RBFOX1: variants seen among roughly 807,000 people sequenced by gnomAD.
RBFOX1 encodes RNA binding fox-1 homolog 1, also known as RNA binding protein fox-1 homolog 1.
In RBFOX1, 8 loss-of-function variants were observed where a neutral mutation model predicts 57.7. The ratio of observed to expected loss-of-function variants is 0.14; its 90% confidence interval spans 0.08 to 0.25. The LOEUF is 0.25. RBFOX1 is among the 10% of genes least tolerant of loss of function. RBFOX1 has a pLI of 1.00. For missense variants in RBFOX1, 611 were observed against 548.5 expected, an observed-to-expected ratio of 1.11 and a Z score of -1.14; for synonymous variants, 326 against 222.4, an observed-to-expected ratio of 1.47 and a Z score of -4.15.
At chr16:7,563,261 A>C (rs533674177) in intron 5 of RBFOX1, among the ~76,000 whole-genome samples, 1 of 152,264 alleles carries the variant, frequency 6.6e-6, no homozygotes, top group East Asian at 1.9e-4. Context: ...GGTCCATCCT[A>C]AGCACTTACA....
intron 3 of RBFOX1, among the ~76,000 whole-genome samples, chr16:5,674,826 C>A (rs1440712638): frequency 6.6e-6 from 1 of 152,048 alleles, no homozygotes; most frequent in Non-Finnish European, 1.5e-5. Context: ...GCTGGTCTGG[C>A]GCACGTAGTA....
intron 4 of RBFOX1, among the ~76,000 whole-genome samples, chr16:7,221,988 G>A (rs56361747): frequency 0.39 from 59,438 of 152,010 alleles, 12,130 homozygotes; most frequent in East Asian, 0.66. Flanking sequence ...ACAGGAGAGA[G>A]GCAGCATTTT....
At chr16:7,597,987 G>C (rs944354691) in intron 9 of RBFOX1, among the ~76,000 whole-genome samples, 1 of 152,082 alleles carries the variant, frequency 6.6e-6, no homozygotes, top group East Asian at 1.9e-4. Context: ...ATGTTGCTTT[G>C]TATTACAGAC....
At chr16:5,540,098 A>G (rs908117771) in intron 2 of RBFOX1, among the ~76,000 whole-genome samples, 8 of 152,228 alleles carry the variant, frequency 5.3e-5, no homozygotes, top group African/African-American at 1.9e-4. Context: ...GAATGAAGAT[A>G]TTAAATAGCA....
intron 3 of RBFOX1, among the ~76,000 whole-genome samples, chr16:6,679,704 G>A (rs140032957): frequency 6.6e-6 from 1 of 152,068 alleles, no homozygotes; most frequent in Non-Finnish European, 1.5e-5. Flanking sequence ...CACCATACAA[G>A]AGTACTTGAG....
At chr16:5,450,919 A>T (rs560727781) in intron 1 of RBFOX1, among the ~76,000 whole-genome samples, 3 of 152,322 alleles carry the variant, frequency 2.0e-5, no homozygotes, top group African/African-American at 7.2e-5. Context: ...GGGCAAGCTC[A>T]AGGGTAAGCT....
intron 4 of RBFOX1, among the ~76,000 whole-genome samples, chr16:7,213,618 G>A (rs536973937): frequency 1.2e-4 from 18 of 151,676 alleles, no homozygotes; most frequent in African/African-American, 3.1e-4. Flanking sequence ...GGAGCTTACC[G>A]TGTGCCTGGA....
At chr16:7,525,708 G>A (rs908017564) in intron 5 of RBFOX1, among the ~76,000 whole-genome samples, 2 of 152,170 alleles carry the variant, frequency 1.3e-5, no homozygotes, top group African/African-American at 2.4e-5. Context: ...ATTGAGGTGT[G>A]CTGCCATTGC....
intron 1 of RBFOX1, among the ~76,000 whole-genome samples, chr16:5,452,363 C>T (rs1241416617): frequency 6.6e-6 from 1 of 152,032 alleles, no homozygotes; most frequent in Non-Finnish European, 1.5e-5. Flanking sequence ...CCCGCCTCGA[C>T]CTCCCAAAGT....
chr16:6,978,594 C>T (rs77492733), intron 3 of RBFOX1, among the ~76,000 whole-genome samples: 1,764 of 152,222 alleles, frequency 0.012, 31 homozygotes, highest in African/African-American at 0.04. Flanking sequence ...TGGGTATTAC[C>T]AGGTTGGGTG....
At chr16:6,457,571 T>A (rs1486690730) in intron 2 of RBFOX1, among the ~76,000 whole-genome samples, 1 of 152,078 alleles carries the variant, frequency 6.6e-6, no homozygotes, top group African/African-American at 2.4e-5. Flanking sequence ...CCCATCACCA[T>A]TCCTGCAGTG....
At chr16:5,420,927 C>T (rs1314411171) in intron 1 of RBFOX1, among the ~76,000 whole-genome samples, 2 of 129,828 alleles carry the variant, frequency 1.5e-5, no homozygotes, top group Non-Finnish European at 3.3e-5. Context: ...ACCCCTCCTC[C>T]TCCCCCTCCC....
At chr16:6,186,170 CAAATGTGGTG>C (rs1418403362) in intron 1 of RBFOX1, among the ~76,000 whole-genome samples, 1 of 152,050 alleles carries the variant, frequency 6.6e-6, no homozygotes, top group African/African-American at 2.4e-5. Context: ...CCAAAAAAAT[CAAATGTGGTG>C]AAGTGCTTTT....
chr16:6,131,184 A>G (rs752157768), intron 1 of RBFOX1, among the ~76,000 whole-genome samples: 6 of 152,208 alleles, frequency 3.9e-5, no homozygotes, highest in Non-Finnish European at 8.8e-5. Context: ...AGGACTACCT[A>G]GTGTGATGGA....
chr16:6,893,934 C>T (rs1163452282), intron 3 of RBFOX1, among the ~76,000 whole-genome samples: 10 of 152,158 alleles, frequency 6.6e-5, no homozygotes, highest in Non-Finnish European at 1.0e-4. Context: ...GGAGAATGAA[C>T]ATAGAGAGAA....
intron 1 of RBFOX1, among the ~76,000 whole-genome samples, chr16:6,056,506 A>C (rs2095616486): frequency 6.6e-6 from 1 of 152,180 alleles, no homozygotes; most frequent in Non-Finnish European, 1.5e-5. Flanking sequence ...ATATATCTCA[A>C]GCAAGGGAAA....
chr16:6,180,698 T>A (rs2097056161), intron 1 of RBFOX1, among the ~76,000 whole-genome samples: 1 of 152,028 alleles, frequency 6.6e-6, no homozygotes, highest in South Asian at 2.1e-4. Flanking sequence ...CCTGAGTAGC[T>A]GGGATTACAG....
At position 5,405,205 on chromosome 16, in the gene RBFOX1, C is replaced by A. The variant is rs190000123; in HGVS notation, c.220-62011C>A. 3.3e-5 allele frequency among the ~76,000 whole-genome samples: 5 copies of A among 152,242 alleles called. No individual in the cohort carries two copies. In the East Asian group the frequency reaches 9.7e-4, roughly 29 times the overall value. ...GCCAGGTGGGAGGGCCAGGACCATG[C>A]GCTTCCTTGGTGACATGGTTTGGCT... On this transcript the variant is annotated intron_variant, in intron 1 of 2. Coordinates refer to the RBFOX1 transcript ENST00000585867.
chr16:6,441,687 G>A (rs530157148), intron 2 of RBFOX1, among the ~76,000 whole-genome samples: 4 of 152,226 alleles, frequency 2.6e-5, no homozygotes, highest in African/African-American at 7.2e-5. Context: ...CAAAGTGCTC[G>A]GATTACAGGT....
Sources: allele counts gnomAD v4.1 joint callset (sites outside exome capture counted in the v4.1 genomes callset), GRCh38; gene constraint gnomAD v4.1.1; transcripts MANE v1.5; gene names NCBI Gene and HGNC (gene_info 2026-07-23, HGNC 2026-07-21).